Variants in SULT1C2 observed in about 807,000 individuals in gnomAD.
SULT1C2 encodes sulfotransferase 1C2.
SULT1C2 carries 27 observed loss-of-function variants against 36.0 expected under a neutral mutation model. The observed-to-expected ratio is 0.75, with a 90% confidence interval of 0.55 to 1.03. The LOEUF is 1.03. Ranked by LOEUF, SULT1C2 falls within the 50% of genes least tolerant of loss-of-function variation. The pLI is 0.00. For missense variants in SULT1C2, 395 were observed against 359.2 expected, an observed-to-expected ratio of 1.10 and a Z score of -0.80; for synonymous variants, 121 against 116.0, an observed-to-expected ratio of 1.04 and a Z score of -0.27.
rs45515691 is a variant in SULT1C2 at position 108,308,418 on chromosome 2, G to C, written c.845G>C (p.Arg282Thr). The C allele has an allele frequency of 7.7e-5, 124 of 1,612,958 alleles. 2 individuals carry two copies. The African/African-American group carries it at 1.4e-3, about 18-fold the overall frequency. Residue 282 changes from arginine (R) to threonine (T), a missense_variant, in exon 8 of 8, where the codon AGA becomes ACA. Coordinates refer to ENST00000251481, the MANE Select transcript of SULT1C2 (RefSeq NM_001056.4). ...AATGAGAGGTTTGATGAAATCTATA[G>C]AAGAAAGATGGAAGGAACCTCCATA... is the stretch of plus-strand genomic sequence containing the variant. ...AQNERFDEIY[R>T]RKMEGTSINF...
rs1043201742 is a variant in SULT1C2, at chr2:108,294,423, T to C, written c.277+69T>C. ...CTCTCTTCTGTTTTCCCCTGTCTTT[T>C]CTCACTTTTCTCCTCTTCTCTCCTC... is the stretch of plus-strand genomic sequence containing the variant. On this transcript the variant is annotated intron_variant, in intron 3 of 7. Coordinates refer to ENST00000251481, the MANE Select transcript of SULT1C2 (RefSeq NM_001056.4). The C allele has an allele frequency of 8.9e-6, 11 of 1,233,106 alleles. No homozygotes were observed. In the African/African-American group the frequency reaches 2.1e-4, roughly 24 times the overall value. The allele number at this position is 1,233,106 out of a possible 1,614,324, so 76.4% of individuals were successfully genotyped here.
rs764793151 is a variant in SULT1C2, at chr2:108,293,729, T to G, written c.62T>G (p.Leu21Arg). The change falls in exon 2 of 8, where the codon CTG becomes CGG. Residue 21 changes from leucine to arginine, a missense_variant. By Grantham distance (102) the Leu-to-Arg change is moderately radical. Coordinates refer to ENST00000251481, the MANE Select transcript of SULT1C2 (RefSeq NM_001056.4). ...IKLKEVEGTL[L>R]QPATVDNWSQ... ...CTGAAAGAGGTGGAGGGGACCCTCCTGCAGCCTGCAACTGTGGACAACTGG... is the reference window on the plus strand; with the variant it reads ...CTGAAAGAGGTGGAGGGGACCCTCCGGCAGCCTGCAACTGTGGACAACTGG... The G allele has an allele frequency of 1.9e-6, 3 of 1,614,128 alleles. No homozygotes were observed. Among genetic ancestry groups the G allele is most frequent in the Non-Finnish European group, 1.7e-6 (2 of 1,180,004 alleles).
Position 108,309,193 on chromosome 2 carries a change from G to T in SULT1C2, c.*729G>T, listed in dbSNP as rs1033078179. 1 of 152,216 alleles carries T rather than the reference G, an allele frequency of 6.6e-6. No homozygotes were observed. Among genetic ancestry groups the T allele is most frequent in the Admixed American group, 6.5e-5 (1 of 15,280 alleles). 9.4% of individuals were successfully genotyped at this position (152,216 alleles called of 1,614,324 possible). On this transcript the variant is annotated 3_prime_UTR_variant, in exon 8 of 8. Transcript: ENST00000251481. ...ATGGGCATGGCTCCCAGGCATGGAG[G>T]TAATTGGGTCTTGGCTTCAATGCCA...
chr2:108,302,940 GA>G (rs1676919678), intron 4 of SULT1C2: 2 of 152,118 alleles, frequency 1.3e-5, no homozygotes, highest in Non-Finnish European at 1.5e-5. Context: ...CCTGTGTCTG[GA>G]GCTAAGAGCC....
intron 1 of SULT1C2, among the ~76,000 whole-genome samples, chr2:108,291,617 AC>A (rs1676593030): frequency 6.6e-6 from 1 of 152,092 alleles, no homozygotes; most frequent in Admixed American, 6.5e-5. Flanking sequence ...ATAAAAAAAA[AC>A]AAGAGGCAAT....
chr2:108,291,760 T>C (rs1413720825), intron 1 of SULT1C2, among the ~76,000 whole-genome samples: 1 of 152,146 alleles, frequency 6.6e-6, no homozygotes, highest in Non-Finnish European at 1.5e-5. Flanking sequence ...AATTGTCATA[T>C]GAATTAAGAA....
chr2:108,305,078 TTCTC>T (rs1047604695), intron 5 of SULT1C2, 90 bp from the exon 6 acceptor site: 2 of 1,456,758 alleles, frequency 1.4e-6, no homozygotes, highest in Non-Finnish European at 1.9e-6. Context: ...AATTTGGGTT[TTCTC>T]TCTCTAACTC....
intron 3 of SULT1C2, chr2:108,298,593 G>A (rs1292899633): frequency 6.6e-6 from 2 of 301,472 alleles, no homozygotes; most frequent in South Asian, 2.6e-5. Flanking sequence ...TGTTGCCCAG[G>A]CTGGTCTCAA....
intron 1 of SULT1C2, among the ~76,000 whole-genome samples, chr2:108,292,229 C>T (rs900559370): frequency 8.5e-5 from 13 of 152,156 alleles, no homozygotes; most frequent in Admixed American, 3.3e-4. Flanking sequence ...GGCAAATTGA[C>T]GTGTTCGATA....
intron 3 of SULT1C2, chr2:108,300,455 G>C: frequency 3.4e-6 from 1 of 296,394 alleles, no homozygotes; most frequent in Non-Finnish European, 6.2e-6. Context: ...ACAAGTGATT[G>C]CAAACAGGCC....
At chr2:108,293,484 A>C (rs917595659) in intron 1 of SULT1C2, among the ~76,000 whole-genome samples, 163 bp from the exon 2 acceptor site, 6 of 152,218 alleles carry the variant, frequency 3.9e-5, no homozygotes, top group Non-Finnish European at 5.9e-5. Flanking sequence ...GTCTGGGATG[A>C]TGAAAAAAAT....
At chr2:108,298,667 C>A in intron 3 of SULT1C2, 1 of 391,360 alleles carries the variant, frequency 2.6e-6, no homozygotes, top group Non-Finnish European at 5.0e-6. Flanking sequence ...CAGACGTGAG[C>A]CACTGCCCCT....
rs80262643 is a variant in SULT1C2 at position 108,297,544 on chromosome 2, T to A, written c.277+3190T>A. Among the ~76,000 whole-genome samples, 9 of 152,258 alleles carry A rather than the reference T, an allele frequency of 5.9e-5. 1 individual carries two copies. In the East Asian group the frequency reaches 1.7e-3, roughly 29 times the overall value. ...CCCCGTTTGCCCCCTTCTTCCAAGCTAGTGGGCTTGGGAATGGGCCCTGCA... is the reference window on the plus strand; with the variant it reads ...CCCCGTTTGCCCCCTTCTTCCAAGCAAGTGGGCTTGGGAATGGGCCCTGCA... On this transcript the variant is annotated intron_variant, in intron 3 of 7. Coordinates refer to ENST00000251481, the MANE Select transcript of SULT1C2 (RefSeq NM_001056.4).
Position 108,309,615 on chromosome 2 carries a change from G to T in SULT1C2, c.*1151G>T, listed in dbSNP as rs1377920954. On this transcript the variant is annotated 3_prime_UTR_variant, in exon 8 of 8. Transcript: ENST00000251481. The stretch of plus-strand genomic sequence containing the variant: ...CTAAAATTCTGAATGCTTTTTGTTG[G>T]ATTTCGTAGGGTATTTTTTTTAAAA... 1 of 151,942 alleles carries T rather than the reference G, an allele frequency of 6.6e-6. No homozygotes were observed. The allele number at this position is 151,942 out of a possible 1,614,324, so 9.4% of individuals were successfully genotyped here. A position where few individuals can be genotyped will look rare whatever the true frequency, so the allele number is the denominator to read the frequency against.
intron 3 of SULT1C2, chr2:108,298,552 A>T (rs1350766002): frequency 8.7e-6 from 2 of 229,698 alleles, no homozygotes; most frequent in Non-Finnish European, 8.7e-6. Context: ...TAATTTTGGT[A>T]TTTTTTTTTT....
intron 1 of SULT1C2, among the ~76,000 whole-genome samples, chr2:108,293,047 C>CTCTTCT (rs1676631423): frequency 6.6e-6 from 1 of 151,962 alleles, no homozygotes; most frequent in Admixed American, 6.6e-5. Context: ...GGCATGGTGG[C>CTCTTCT]GGGCACCTGT....
Position 108,296,422 on chromosome 2 carries a change from TGGCTGGAGACTCAGCTGTGCA to T in SULT1C2, c.277+2070_277+2090del, listed in dbSNP as rs376798524. Among the ~76,000 whole-genome samples the T allele has an allele frequency of 3.4e-3, 509 of 151,618 alleles. 4 individuals are homozygous for T. Among genetic ancestry groups the T allele is most frequent in the African/African-American group, 0.012 (491 of 41,316 alleles). Reference sequence around the variant, plus strand: ...TGCCCAGCCACAGACAGCTGAATGCTGGCTGGAGACTCAGCTGTGCAGTGGTCGTTTGTTTGGTTTTTTTTT... The same window carrying T: ...TGCCCAGCCACAGACAGCTGAATGCTGTGGTCGTTTGTTTGGTTTTTTTTT... On this transcript the variant is annotated intron_variant, in intron 3 of 7. Coordinates refer to ENST00000251481, the MANE Select transcript of SULT1C2 (RefSeq NM_001056.4).
At chr2:108,301,875 G>A (rs1365546967) in intron 4 of SULT1C2, 3 of 152,246 alleles carry the variant, frequency 2.0e-5, no homozygotes, top group Non-Finnish European at 4.4e-5. Flanking sequence ...GAATGAAGGG[G>A]AAAGAAGGGC....
At chr2:108,305,376 A>G in intron 6 of SULT1C2, 39 bp from the exon 7 acceptor site, 8 of 1,609,686 alleles carry the variant, frequency 5.0e-6, no homozygotes, top group Non-Finnish European at 5.9e-6. Context: ...TCTTTATGAT[A>G]CTCTCATTCA....
Sources: allele counts gnomAD v4.1 joint callset (sites outside exome capture counted in the v4.1 genomes callset), GRCh38; gene constraint gnomAD v4.1.1; transcripts MANE v1.5; gene names NCBI Gene and HGNC (gene_info 2026-07-23, HGNC 2026-07-21).